DNAJC3: variants seen among roughly 807,000 people sequenced by gnomAD.
DNAJC3 encodes the protein dnaJ homolog subfamily C member 3.
A neutral mutation model predicts 68.6 loss-of-function variants in DNAJC3; 38 were observed. That is an observed-to-expected ratio of 0.55 (90% CI 0.43 to 0.73). The LOEUF (loss-of-function observed/expected upper bound fraction) is 0.73. Among genes scored for constraint, DNAJC3 ranks in the 30% least tolerant of loss-of-function variants. The probability of loss-of-function intolerance (pLI) is 0.00; values close to 1 mark genes in which losing one functional copy is unlikely to be tolerated. For missense variants in DNAJC3, 526 were observed against 591.9 expected, an observed-to-expected ratio of 0.89 and a Z score of 1.16; for synonymous variants, 203 against 204.0, an observed-to-expected ratio of 1.00 and a Z score of 0.04.
chr13:95,677,155 G>C lies in DNAJC3; in HGVS notation c.-101G>C. On this transcript the variant is annotated 5_prime_UTR_variant, in exon 1 of 12. Transcript: ENST00000602402. ...CTGGGCTCCAGAGCCACTGAGGCCT[G>C]AGCGAGAGCCGACGGCGGGCGGGCG... The C allele has an allele frequency of 1.8e-6, 2 of 1,120,552 alleles. No individual in the cohort carries two copies. The highest frequency in any genetic ancestry group is 3.2e-5 in the African/African-American group (2 of 62,200). 69.4% of individuals were successfully genotyped at this position (1,120,552 alleles called of 1,614,324 possible). A position where few individuals can be genotyped will look rare whatever the true frequency, so the allele number is the denominator to read the frequency against.
At chr13:95,764,691 C>T (rs1222454946) in intron 9 of DNAJC3, among the ~76,000 whole-genome samples, 9 of 131,434 alleles carry the variant, frequency 6.8e-5, no homozygotes, top group African/African-American at 2.7e-4. Flanking sequence ...TATACACACA[C>T]ACACATATAT....
Position 95,757,713 on chromosome 13 carries a change from C to A in DNAJC3, c.463C>A (p.Gln155Lys). Reference sequence around the variant, plus strand: ...TCAACTTATAAAATCTGATGAAATGCAGCGTTTGCGTTCACAAGCACTTAA... The same window carrying A: ...TCAACTTATAAAATCTGATGAAATGAAGCGTTTGCGTTCACAAGCACTTAA... The part of the protein sequence containing the change: ...QSQLIKSDEM[Q>K]RLRSQALNAF... The change falls in exon 5 of 12, where the codon CAG becomes AAG. Residue 155 changes from glutamine to lysine, a missense_variant. Transcript: ENST00000602402. 6.3e-7 allele frequency: 1 copy of A among 1,586,312 alleles called. No homozygotes were observed. The highest frequency in any genetic ancestry group is 8.6e-7 in the Non-Finnish European group (1 of 1,158,182).
chr13:95,721,563 C>T (rs544549428), intron 2 of DNAJC3, among the ~76,000 whole-genome samples: 6 of 152,046 alleles, frequency 3.9e-5, no homozygotes, highest in South Asian at 2.1e-4. Context: ...CCACACCTTG[C>T]GAACATTTGT....
At chr13:95,691,021 C>T (rs1421918388) in intron 1 of DNAJC3, among the ~76,000 whole-genome samples, 44 of 139,352 alleles carry the variant, frequency 3.2e-4, no homozygotes, top group African/African-American at 1.1e-3. Flanking sequence ...GGGGGGCTGA[C>T]CCCCCCACCT....
chr13:95,696,061 C>G (rs2139611807), intron 1 of DNAJC3, among the ~76,000 whole-genome samples: 1 of 152,292 alleles, frequency 6.6e-6, no homozygotes, highest in South Asian at 2.1e-4. Context: ...ATTCCACATG[C>G]ATATAAGCAT....
chr13:95,725,378 G>A, intron 4 of DNAJC3, 126 bp downstream of exon 4: 1 of 540,716 alleles, frequency 1.8e-6, no homozygotes, highest in Non-Finnish European at 3.0e-6. Context: ...ACAGTAAATA[G>A]AGAATAGCCA....
intron 1 of DNAJC3, among the ~76,000 whole-genome samples, chr13:95,688,950 G>C (rs1386703305): frequency 6.6e-6 from 1 of 150,962 alleles, no homozygotes; most frequent in East Asian, 1.9e-4. Flanking sequence ...GTGTGTGTGT[G>C]TGTGTGTGTG....
intron 9 of DNAJC3, among the ~76,000 whole-genome samples, chr13:95,764,541 G>A (rs1018712716): frequency 6.7e-6 from 1 of 148,688 alleles, no homozygotes. Context: ...AATAACAAGA[G>A]ATTCCTGCCA....
chr13:95,779,104 G>T (rs1883364163), intron 9 of DNAJC3, among the ~76,000 whole-genome samples: 2 of 142,046 alleles, frequency 1.4e-5, no homozygotes, highest in South Asian at 2.2e-4. Context: ...TATAATCTTT[G>T]ATATTTTCTT....
At chr13:95,738,154 G>A (rs1021847251) in intron 4 of DNAJC3, among the ~76,000 whole-genome samples, 2 of 148,698 alleles carry the variant, frequency 1.3e-5, no homozygotes, top group African/African-American at 4.9e-5. Context: ...TCTTAATCCT[G>A]AGTTCTAGTT....
At chr13:95,708,712 A>ATATATTTT (rs1179500239) in intron 1 of DNAJC3, among the ~76,000 whole-genome samples, 3 of 152,086 alleles carry the variant, frequency 2.0e-5, no homozygotes, top group Non-Finnish European at 2.9e-5. Context: ...TTCACCCAAC[A>ATATATTTT]TACTATATAA....
chr13:95,728,351 A>AT (rs1881596873), intron 4 of DNAJC3, among the ~76,000 whole-genome samples: 1 of 151,992 alleles, frequency 6.6e-6, no homozygotes, highest in African/African-American at 2.4e-5. Context: ...TATTGTCATT[A>AT]TTTTTTATTT....
intron 4 of DNAJC3, among the ~76,000 whole-genome samples, chr13:95,733,291 T>C (rs925276763): frequency 6.6e-6 from 1 of 152,234 alleles, no homozygotes; most frequent in Admixed American, 6.5e-5. Flanking sequence ...TAATAATATT[T>C]GCCTTAACAT....
chr13:95,679,528 C>G (rs756339600), intron 1 of DNAJC3, among the ~76,000 whole-genome samples: 2 of 152,092 alleles, frequency 1.3e-5, no homozygotes, highest in African/African-American at 4.8e-5. Flanking sequence ...ATTAGCAAAC[C>G]GTTAGCCCCT....
In DNAJC3 at chr13:95,712,479, C is replaced by T. The variant is rs1332071588; in HGVS notation, c.193+3142C>T. ...GCAACCTCCGTCTCCCAGGTTTAGGCGATTCTCCTGCCTCAGCCTCCCAAG... is the reference window on the plus strand; with the variant it reads ...GCAACCTCCGTCTCCCAGGTTTAGGTGATTCTCCTGCCTCAGCCTCCCAAG... On this transcript the variant is annotated intron_variant, in intron 2 of 11. Transcript: ENST00000602402. Among the ~76,000 whole-genome samples the T allele has an allele frequency of 4.7e-5, 7 of 150,498 alleles. No homozygotes were observed. In the East Asian group the frequency reaches 7.9e-4, roughly 17 times the overall value.
chr13:95,713,059 C>T (rs546643316), intron 2 of DNAJC3, among the ~76,000 whole-genome samples: 29 of 152,222 alleles, frequency 1.9e-4, no homozygotes, highest in African/African-American at 6.5e-4. Flanking sequence ...GTGTCTGCTG[C>T]CCCTTCTGCC....
At chr13:95,776,736 C>A (rs1438585823) in intron 9 of DNAJC3, among the ~76,000 whole-genome samples, 1 of 152,208 alleles carries the variant, frequency 6.6e-6, no homozygotes, top group African/African-American at 2.4e-5. Context: ...TCCTCCTCTT[C>A]CTCACTGTTC....
Position 95,738,507 on chromosome 13 carries a change from C to T in DNAJC3, c.393+13255C>T, listed in dbSNP as rs1882009122. On this transcript the variant is annotated intron_variant, in intron 4 of 11. Transcript: ENST00000602402. ...ACTTGCTTTATGAATCTAGTTGCTC[C>T]TGTATTGGGTGCATATATATTTAGG... Among the ~76,000 whole-genome samples, 3 of 151,966 alleles carry T rather than the reference C, an allele frequency of 2.0e-5. No individual in the cohort carries two copies. The South Asian group carries it at 6.2e-4, about 31-fold the overall frequency.
intron 4 of DNAJC3, among the ~76,000 whole-genome samples, chr13:95,727,481 T>A (rs1881569539): frequency 6.6e-6 from 1 of 152,222 alleles, no homozygotes; most frequent in African/African-American, 2.4e-5. Context: ...CTTACTATTG[T>A]TATAGGGATT....
Sources: allele counts gnomAD v4.1 joint callset (sites outside exome capture counted in the v4.1 genomes callset), GRCh38; gene constraint gnomAD v4.1.1; transcripts MANE v1.5; gene names NCBI Gene and HGNC (gene_info 2026-07-23, HGNC 2026-07-21).